Variants in NCOA2 observed in about 807,000 individuals in gnomAD.
The protein encoded by NCOA2 is class E basic helix-loop-helix protein 75.
NCOA2 carries 21 observed loss-of-function variants against 145.1 expected under a neutral mutation model. The ratio of observed to expected loss-of-function variants is 0.14; its 90% CI spans 0.10 to 0.21. The LOEUF (loss-of-function observed/expected upper bound fraction) is 0.21. Among genes scored for constraint, NCOA2 ranks in the 10% least tolerant of loss-of-function variants. NCOA2 has a pLI of 1.00. For synonymous variants in NCOA2, 619 were observed against 637.5 expected (o/e 0.97, Z 0.44); for missense variants, 1,472 against 1,837.6 (o/e 0.80, Z 3.64).
chr8:70,280,814 T>C (rs534333019), intron 2 of NCOA2, among the ~76,000 whole-genome samples: 1 of 152,180 alleles, frequency 6.6e-6, no homozygotes, highest in Admixed American at 6.5e-5. Context: ...AGAAATCCAT[T>C]CTACCCCTTA....
chr8:70,144,879 T>A, intron 12 of NCOA2, 31 bp from the exon 13 acceptor site: 1 of 1,552,452 alleles, frequency 6.4e-7, no homozygotes, highest in Non-Finnish European at 8.9e-7. Flanking sequence ...AATTGAAGGT[T>A]AATATAGGAT....
At chr8:70,449,044 A>C in the NCOA2 span, among the ~76,000 whole-genome samples, 2 of 152,098 alleles carry the variant, frequency 1.3e-5, no homozygotes, top group Non-Finnish European at 2.9e-5. Context: ...GGCCTTAAGC[A>C]ATCCTCCCAC....
intron 2 of NCOA2, among the ~76,000 whole-genome samples, chr8:70,231,360 G>A (rs1192455716): frequency 6.6e-6 from 1 of 152,230 alleles, no homozygotes; most frequent in Non-Finnish European, 1.5e-5. Context: ...TGCCGAGTCA[G>A]GTATGCCATA....
At chr8:70,189,339 A>G (rs1416391791) in intron 4 of NCOA2, among the ~76,000 whole-genome samples, 2 of 152,252 alleles carry the variant, frequency 1.3e-5, no homozygotes, top group African/African-American at 2.4e-5. Context: ...TGCTTCCACA[A>G]CATGTCCATA....
chr8:70,317,673 G>A (rs541705344), intron 1 of NCOA2, among the ~76,000 whole-genome samples: 1 of 152,312 alleles, frequency 6.6e-6, no homozygotes, highest in East Asian at 1.9e-4. Flanking sequence ...GAGCATTTCA[G>A]ATAAACAGCA....
In NCOA2 at chr8:70,155,662, GT is replaced by G. The variant is rs1174993341; in HGVS notation, c.2394+308del. Among the ~76,000 whole-genome samples the G allele has an allele frequency of 4.6e-5, 7 of 152,312 alleles. No homozygotes were observed. In the East Asian group the frequency reaches 1.4e-3, roughly 29 times the overall value. On this transcript the variant is annotated intron_variant, in intron 11 of 22. Coordinates refer to ENST00000452400, the MANE Select transcript of NCOA2 (RefSeq NM_006540.4). ...TCATATTCAAGTTTGTTTACACAGT[GT>G]CTGTGGCTGCTTTTGCACTACAATG...
At chr8:70,143,901 T>C (rs1162157970) in intron 13 of NCOA2, among the ~76,000 whole-genome samples, 1 of 152,218 alleles carries the variant, frequency 6.6e-6, no homozygotes, top group Non-Finnish European at 1.5e-5. Flanking sequence ...TCCTGCTATA[T>C]CCATAATAAA....
intron 4 of NCOA2, among the ~76,000 whole-genome samples, chr8:70,211,726 C>A (rs1819049979): frequency 6.6e-6 from 1 of 152,156 alleles, no homozygotes; most frequent in African/African-American, 2.4e-5. Context: ...TTTTAAAAAA[C>A]AAATTATTAA....
chr8:70,151,533 CT>C (rs1487347562), intron 11 of NCOA2, among the ~76,000 whole-genome samples: 1 of 152,168 alleles, frequency 6.6e-6, no homozygotes. Context: ...GATGATCTGC[CT>C]GCCTTGGCTT....
At chr8:70,229,160 C>T (rs1250348412) in intron 2 of NCOA2, among the ~76,000 whole-genome samples, 3 of 152,124 alleles carry the variant, frequency 2.0e-5, no homozygotes, top group Non-Finnish European at 4.4e-5. Flanking sequence ...AATCTATTTG[C>T]ATTTATTTTC....
At chr8:70,233,148 C>T (rs1017455096) in intron 2 of NCOA2, among the ~76,000 whole-genome samples, 4 of 151,922 alleles carry the variant, frequency 2.6e-5, no homozygotes, top group Non-Finnish European at 5.9e-5. Flanking sequence ...ATCGCTTGAA[C>T]CCAGGAGGCG....
intron 14 of NCOA2, among the ~76,000 whole-genome samples, chr8:70,140,975 C>G (rs1810343371): frequency 2.0e-5 from 3 of 152,066 alleles, no homozygotes; most frequent in African/African-American, 7.2e-5. Context: ...AAAAATAAAA[C>G]ATCTCAAAGG....
At chr8:70,402,398 A>T (rs1174752936) in intron 1 of NCOA2, 1 of 152,416 alleles carries the variant, frequency 6.6e-6, no homozygotes, top group Non-Finnish European at 1.5e-5. Flanking sequence ...GGCCAGCGGA[A>T]GGGGGCTCCA....
At chr8:70,328,260 A>G (rs1302604014) in intron 1 of NCOA2, among the ~76,000 whole-genome samples, 1 of 152,224 alleles carries the variant, frequency 6.6e-6, no homozygotes, top group African/African-American at 2.4e-5. Flanking sequence ...ATACAATTCT[A>G]AGTCTTATAG....
chr8:70,410,841 T>C, the NCOA2 span, among the ~76,000 whole-genome samples: 7 of 152,208 alleles, frequency 4.6e-5, no homozygotes, highest in Non-Finnish European at 8.8e-5. Flanking sequence ...GCTAGAATAC[T>C]ACAGGTGCAG....
At chr8:70,445,976 C>T in the NCOA2 span, among the ~76,000 whole-genome samples, 1 of 152,042 alleles carries the variant, frequency 6.6e-6, no homozygotes, top group Non-Finnish European at 1.5e-5. Context: ...TCTTCCTGCC[C>T]TTCCCATGCC....
In NCOA2 at chr8:70,156,343, A is replaced by C; in HGVS notation, c.2022T>G (p.Gly674=). 6.2e-7 allele frequency: 1 copy of C among 1,613,886 alleles called. No homozygotes were observed. The highest frequency in any genetic ancestry group is 8.5e-7 in the Non-Finnish European group (1 of 1,179,868). Residue 674 remains glycine (G), a synonymous_variant, in exon 11 of 23, where the codon GGT becomes GGG. Transcript: ENST00000452400. ...GCGAGGTTCCATGTGTAGACCCAGA[A>C]CCAGGCAAGCTACCTGTGGAGTCTT... is the stretch of plus-strand genomic sequence containing the variant. The part of the protein sequence containing the change: ...TNKDSTGSLP[G]SGSTHGTSLK...
chr8:70,114,244 T>G (rs1806835675), intron 22 of NCOA2, among the ~76,000 whole-genome samples: 1 of 152,200 alleles, frequency 6.6e-6, no homozygotes, highest in Admixed American at 6.5e-5. Flanking sequence ...CAGGTTGGTC[T>G]CAAACTCCTG....
intron 1 of NCOA2, among the ~76,000 whole-genome samples, chr8:70,311,060 A>C (rs1805074419): frequency 6.6e-6 from 1 of 152,056 alleles, no homozygotes; most frequent in Admixed American, 6.6e-5. Context: ...CACCTAGCAC[A>C]ATGTCTCGGT....
Sources: gnomAD v4.1 joint callset for allele counts (sites outside exome capture counted in the v4.1 genomes callset) on GRCh38, gnomAD v4.1.1 for gene constraint, MANE v1.5 for transcripts, NCBI Gene and HGNC (gene_info 2026-07-23, HGNC 2026-07-21) for gene names.